Variants in PAX3 observed in about 807,000 individuals in gnomAD.
PAX3 encodes paired box protein Pax-3.
In PAX3, 14 loss-of-function variants were observed where a neutral mutation model predicts 51.6. The observed-to-expected ratio is 0.27, with a 90% CI of 0.18 to 0.42. The LOEUF is 0.42. Ranked by LOEUF, PAX3 falls within the 10% of genes least tolerant of loss-of-function variation. The probability of loss-of-function intolerance (pLI) is 1.00; values close to 1 mark genes in which losing one functional copy is unlikely to be tolerated. For missense variants in PAX3, 540 were observed against 642.8 expected, an observed-to-expected ratio of 0.84 and a Z score of 1.73; for synonymous variants, 280 against 253.4, an observed-to-expected ratio of 1.11 and a Z score of -1.00.
At chr2:222,279,304 C>CATGTGTGT (rs139532428) in intron 4 of PAX3, among the ~76,000 whole-genome samples, 1 of 148,034 alleles carries the variant, frequency 6.8e-6, no homozygotes, top group African/African-American at 2.5e-5. Flanking sequence ...CAAGCCTGTG[C>CATGTGTGT]GTGTGTGTGT....
intron 5 of PAX3, chr2:222,221,590 G>A: frequency 1.8e-6 from 1 of 554,242 alleles, no homozygotes; most frequent in South Asian, 2.0e-5. Flanking sequence ...GGGGCTTCAG[G>A]GACCCACCAT....
At chr2:222,265,570 G>A (rs1343816393) in intron 4 of PAX3, among the ~76,000 whole-genome samples, 1 of 151,712 alleles carries the variant, frequency 6.6e-6, no homozygotes, top group Admixed American at 6.6e-5. Flanking sequence ...GGAGAACAGC[G>A]TGAAGCCTGG....
At chr2:222,251,031 T>C (rs1348765865) in intron 4 of PAX3, among the ~76,000 whole-genome samples, 1 of 152,236 alleles carries the variant, frequency 6.6e-6, no homozygotes, top group Admixed American at 6.5e-5. Context: ...GGTAACCACT[T>C]TGTGGTCATA....
At chr2:222,236,068 G>A (rs1692787629) in intron 4 of PAX3, among the ~76,000 whole-genome samples, 2 of 152,314 alleles carry the variant, frequency 1.3e-5, no homozygotes, top group South Asian at 4.1e-4. Flanking sequence ...TTCCCCATCT[G>A]TAAACCCCAA....
In PAX3 at chr2:222,232,431, T is replaced by A. The variant is rs562591212; in HGVS notation, c.587-148A>T. 6 of 707,534 alleles carry A rather than the reference T, an allele frequency of 8.5e-6. No homozygotes were observed. The South Asian group carries it at 1.1e-4, about 13-fold the overall frequency. 43.8% of individuals were successfully genotyped at this position (707,534 alleles called of 1,614,324 possible). On this transcript the variant is annotated intron_variant, in intron 4 of 8. Transcript: ENST00000392070. ...ATAAATGTGGATCAAAAAACAAGTC[T>A]AACCAATCCGTAATAATTCAAATCC... is the stretch of plus-strand genomic sequence containing the variant.
intron 4 of PAX3, among the ~76,000 whole-genome samples, chr2:222,274,199 CA>C (rs1694342743): frequency 6.6e-6 from 1 of 152,144 alleles, no homozygotes; most frequent in African/African-American, 2.4e-5. Flanking sequence ...AATTGTACAA[CA>C]GAGTCTCTAA....
intron 4 of PAX3, among the ~76,000 whole-genome samples, chr2:222,238,920 C>G (rs1692900915): frequency 6.6e-6 from 1 of 152,144 alleles, no homozygotes; most frequent in Non-Finnish European, 1.5e-5. Context: ...GTCTCCTGCG[C>G]TTGTGAGTTT....
At position 222,273,716 on chromosome 2, in the gene PAX3, T is replaced by C. The variant is rs368495120; in HGVS notation, c.586+20451A>G. Among the ~76,000 whole-genome samples the C allele has an allele frequency of 5.9e-5, 9 of 152,326 alleles. No homozygotes were observed. The South Asian group carries it at 1.2e-3, about 21-fold the overall frequency. On this transcript the variant is annotated intron_variant, in intron 4 of 8. Transcript: ENST00000392070. Reference sequence around the variant, plus strand: ...AAAGCTGCACAAAGCTTAGCAGAAATGATTGTTATTTAGTTGCAGCATTTT... The same window carrying C: ...AAAGCTGCACAAAGCTTAGCAGAAACGATTGTTATTTAGTTGCAGCATTTT...
intron 4 of PAX3, among the ~76,000 whole-genome samples, chr2:222,234,616 C>T (rs1270443887): frequency 6.6e-6 from 1 of 152,132 alleles, no homozygotes; most frequent in East Asian, 1.9e-4. Context: ...TTCAGTAGAT[C>T]TGAGGTGGGC....
chr2:222,200,250 A>T lies in PAX3; in HGVS notation c.*1158T>A, dbSNP rs1691242861. 4.6e-6 allele frequency: 1 copy of T among 219,150 alleles called. No individual in the cohort carries two copies. The highest frequency in any genetic ancestry group is 2.2e-5 in the African/African-American group (1 of 44,582). 13.6% of individuals were successfully genotyped at this position (219,150 alleles called of 1,614,324 possible). On this transcript the variant is annotated 3_prime_UTR_variant, in exon 9 of 9. Transcript: ENST00000392070. ...CACCACACAAACGTATGTAAACCTC[A>T]GTTCCTATAATCTTTTAATATTGGA... is the stretch of plus-strand genomic sequence containing the variant.
chr2:222,271,371 G>A (rs1444361565), intron 4 of PAX3, among the ~76,000 whole-genome samples: 2 of 152,170 alleles, frequency 1.3e-5, no homozygotes. Flanking sequence ...AACACATATT[G>A]CAATGCTTCC....
At chr2:222,248,779 T>G (rs1693317378) in intron 4 of PAX3, among the ~76,000 whole-genome samples, 1 of 152,160 alleles carries the variant, frequency 6.6e-6, no homozygotes, top group Non-Finnish European at 1.5e-5. Context: ...AGTAGTTTTG[T>G]AAACAAAAAA....
At chr2:222,248,340 T>A (rs1374420752) in intron 4 of PAX3, among the ~76,000 whole-genome samples, 1 of 152,172 alleles carries the variant, frequency 6.6e-6, no homozygotes, top group East Asian at 1.9e-4. Flanking sequence ...ATAACTTGGC[T>A]CCCTCACTGT....
At position 222,199,896 on chromosome 2, in the gene PAX3, A is replaced by C. The variant is rs45594333; in HGVS notation, c.*1512T>G. 5.6e-6 allele frequency: 1 copy of C among 179,968 alleles called. No individual in the cohort carries two copies. The highest frequency in any genetic ancestry group is 9.2e-5 in the East Asian group (1 of 10,834). 11.1% of individuals were successfully genotyped at this position (179,968 alleles called of 1,614,324 possible). On this transcript the variant is annotated 3_prime_UTR_variant, in exon 9 of 9. Coordinates refer to ENST00000392070, the MANE Select transcript of PAX3 (RefSeq NM_181458.4). ...AAAAAGCAGTAGTGGGCAAGTTTTC[A>C]TAACTGTTTATTCATTATAAATAGT... is the stretch of plus-strand genomic sequence containing the variant.
chr2:222,272,511 C>T (rs539687041), intron 4 of PAX3, among the ~76,000 whole-genome samples: 4 of 152,248 alleles, frequency 2.6e-5, no homozygotes, highest in South Asian at 2.1e-4. Flanking sequence ...AGGCCTTTAC[C>T]GTGTATGGCT....
chr2:222,293,645 G>C (rs369054159), intron 4 of PAX3: 13 of 1,613,832 alleles, frequency 8.1e-6, no homozygotes, highest in African/African-American at 1.3e-5. Context: ...TCAACACACA[G>C]ACATATTTAT....
At chr2:222,218,493 AG>A (rs1343170817) in intron 7 of PAX3, among the ~76,000 whole-genome samples, 1 of 152,202 alleles carries the variant, frequency 6.6e-6, no homozygotes, top group Non-Finnish European at 1.5e-5. Flanking sequence ...CTAGGGCAGG[AG>A]TTTACTTTTA....
At chr2:222,281,058 C>T (rs1694628985) in intron 4 of PAX3, among the ~76,000 whole-genome samples, 4 of 152,204 alleles carry the variant, frequency 2.6e-5, no homozygotes, top group South Asian at 2.1e-4. Flanking sequence ...CATGTACACA[C>T]GTGCCCCAGA....
At chr2:222,292,038 C>T (rs115627315) in intron 4 of PAX3, among the ~76,000 whole-genome samples, 1,727 of 150,908 alleles carry the variant, frequency 0.011, 42 homozygotes, top group African/African-American at 0.04. Context: ...CAGCACAGCC[C>T]CCACTGGGGA....
Sources: allele counts gnomAD v4.1 joint callset (sites outside exome capture counted in the v4.1 genomes callset), GRCh38; gene constraint gnomAD v4.1.1; transcripts MANE v1.5; gene names NCBI Gene and HGNC (gene_info 2026-07-23, HGNC 2026-07-21).